Variants in GSDME observed in about 807,000 individuals in gnomAD.
The protein encoded by GSDME is gasdermin-E.
Under a neutral mutation model 47.5 loss-of-function variants are expected in GSDME, and 44 were observed. The ratio of observed to expected loss-of-function variants is 0.93; its 90% CI spans 0.73 to 1.19. The LOEUF (loss-of-function observed/expected upper bound fraction) is 1.19, where lower values mean the gene tolerates loss of function less well. GSDME is among the 50% of genes most tolerant of loss of function. GSDME has a pLI of 0.00. For missense variants in GSDME, 663 were observed against 604.2 expected (o/e 1.10, Z -1.02); for synonymous variants, 258 against 252.8 (o/e 1.02, Z -0.20).
At position 24,735,075 on chromosome 7, in the gene GSDME, G is replaced by A. The variant is rs188201441; in HGVS notation, c.404+9487C>T. Among the ~76,000 whole-genome samples, 3 of 152,346 alleles carry A rather than the reference G, an allele frequency of 2.0e-5. No individual in the cohort carries two copies. Among genetic ancestry groups the A allele is most frequent in the Admixed American group, 6.5e-5 (1 of 15,302 alleles). On this transcript the variant is annotated intron_variant, in intron 3 of 9. Transcript: ENST00000645220. The surrounding 1 kb of genome is among the most constrained non-coding windows in gnomAD (Gnocchi z 4.4). Reference sequence around the variant, plus strand: ...CAAGAAACTAACTGCATACAATGGAGCTCCAATATGTTTGGCAGCAGACTT... The same window carrying A: ...CAAGAAACTAACTGCATACAATGGAACTCCAATATGTTTGGCAGCAGACTT...
At chr7:24,751,013 T>G (rs1220697628) in intron 1 of GSDME, among the ~76,000 whole-genome samples, 1 of 152,092 alleles carries the variant, frequency 6.6e-6, no homozygotes, top group Non-Finnish European at 1.5e-5. Flanking sequence ...AATGAAACTG[T>G]GAAAGTACTA....
intron 6 of GSDME, among the ~76,000 whole-genome samples, chr7:24,709,976 AC>A (rs1789281431): frequency 6.6e-6 from 1 of 152,012 alleles, no homozygotes; most frequent in Non-Finnish European, 1.5e-5. Context: ...TCAGTCTCCG[AC>A]CCCTACCCCA....
the GSDME span, among the ~76,000 whole-genome samples, chr7:24,764,420 T>TC: frequency 8.2e-4 from 125 of 152,236 alleles, no homozygotes; most frequent in Admixed American, 2.0e-3. This position sits in a 1 kb window ranked among gnomAD's most constrained non-coding sequence, Gnocchi z 4.4. Flanking sequence ...TCTTTTTTTC[T>TC]CCCCCAAAGA....
the GSDME span, among the ~76,000 whole-genome samples, chr7:24,763,127 T>G: frequency 6.6e-6 from 1 of 152,138 alleles, no homozygotes; most frequent in Non-Finnish European, 1.5e-5. This position sits in a 1 kb window ranked among gnomAD's most constrained non-coding sequence, Gnocchi z 4.3. Flanking sequence ...CACCACAAAT[T>G]CAATGCCTTT....
At chr7:24,706,003 C>T (rs372219427) in intron 8 of GSDME, 181 bp downstream of exon 8, 26 of 727,434 alleles carry the variant, frequency 3.6e-5, no homozygotes, top group African/African-American at 8.2e-5. Flanking sequence ...GGCACAGACT[C>T]GAGACCGAAG....
At chr7:24,770,474 A>G in the GSDME span, among the ~76,000 whole-genome samples, 2,029 of 152,348 alleles carry the variant, frequency 0.013, 26 homozygotes, top group African/African-American at 0.045. The surrounding 1 kb of genome is among the most constrained non-coding windows in gnomAD (Gnocchi z 4.6). Flanking sequence ...CCACATTTGC[A>G]GCCCGGTTAC....
In GSDME at chr7:24,724,174, CAAAA is replaced by C. The variant is rs141820646; in HGVS notation, c.405-4960_405-4957del. Among the ~76,000 whole-genome samples the C allele has an allele frequency of 7.2e-6, 1 of 139,130 alleles. No individual in the cohort carries two copies. 91.3% of individuals were successfully genotyped at this position (139,130 alleles called of 152,430 possible). ...ACCATGTGAATAGATTGCCCAGTTC[CAAAA>C]AAAAAAAAAAGTATTTTAAAAAAAG... On this transcript the variant is annotated intron_variant, in intron 3 of 9. Coordinates refer to ENST00000645220, the MANE Select transcript of GSDME (RefSeq NM_001127453.2). The surrounding 1 kb of genome is among the most constrained non-coding windows in gnomAD (Gnocchi z 4.8).
rs113312954 is a variant in GSDME, at chr7:24,728,700, G to A, written c.405-9482C>T. 0.015 allele frequency among the ~76,000 whole-genome samples: 2,261 copies of A among 152,216 alleles called. 66 individuals are homozygous for A. Among genetic ancestry groups the A allele is most frequent in the African/African-American group, 0.052 (2,163 of 41,516 alleles). On this transcript the variant is annotated intron_variant, in intron 3 of 9. Coordinates refer to ENST00000645220, the MANE Select transcript of GSDME (RefSeq NM_001127453.2). The surrounding 1 kb of genome is among the most constrained non-coding windows in gnomAD (Gnocchi z 7.2). ...GATCCTCTTGGAAACGAAAGCAGCCGCCCACTGTCTCCCCCGCAGGTACTA... is the reference window on the plus strand; with the variant it reads ...GATCCTCTTGGAAACGAAAGCAGCCACCCACTGTCTCCCCCGCAGGTACTA...
chr7:24,776,691 G>C, the GSDME span, among the ~76,000 whole-genome samples: 3 of 152,114 alleles, frequency 2.0e-5, no homozygotes, highest in Admixed American at 2.0e-4. Context: ...AAATGAGCCT[G>C]GTAATATGAA....
chr7:24,700,544 C>T (rs780627000), intron 9 of GSDME, among the ~76,000 whole-genome samples: 1 of 152,150 alleles, frequency 6.6e-6, no homozygotes, highest in African/African-American at 2.4e-5. Context: ...ATTTCCTGAG[C>T]AGTGGTGACT....
At position 24,735,799 on chromosome 7, in the gene GSDME, AT is replaced by A. The variant is rs1790287435; in HGVS notation, c.404+8762del. Among the ~76,000 whole-genome samples, 2 of 151,092 alleles carry A rather than the reference AT, an allele frequency of 1.3e-5. No individual in the cohort carries two copies. Among genetic ancestry groups the A allele is most frequent in the Non-Finnish European group, 3.0e-5 (2 of 67,744 alleles). On this transcript the variant is annotated intron_variant, in intron 3 of 9. Coordinates refer to ENST00000645220, the MANE Select transcript of GSDME (RefSeq NM_001127453.2). The surrounding 1 kb of genome is among the most constrained non-coding windows in gnomAD (Gnocchi z 4.4). ...AATAAATAAATAAATAAATAAATAA[AT>A]AAATAAAACTACAAAAACTTTTCAA... is the stretch of plus-strand genomic sequence containing the variant.
chr7:24,708,512 G>GGA (rs1789216264), intron 6 of GSDME, among the ~76,000 whole-genome samples: 2 of 152,166 alleles, frequency 1.3e-5, no homozygotes, highest in Non-Finnish European at 2.9e-5. Flanking sequence ...CTTCTCTGAT[G>GGA]ACTCACTAAA....
At position 24,728,074 on chromosome 7, in the gene GSDME, G is replaced by A. The variant is rs1790029275; in HGVS notation, c.405-8856C>T. ...CAGCCCTGCCAATGAGTCTTGATTT[G>A]TCTCTCGGCCATTCTTGGTCACTCC... On this transcript the variant is annotated intron_variant, in intron 3 of 9. Transcript: ENST00000645220. The surrounding 1 kb of genome is among the most constrained non-coding windows in gnomAD (Gnocchi z 7.2). Among the ~76,000 whole-genome samples the A allele has an allele frequency of 6.6e-6, 1 of 152,212 alleles. No homozygotes were observed. Among genetic ancestry groups the A allele is most frequent in the African/African-American group, 2.4e-5 (1 of 41,452 alleles).
At chr7:24,703,438 A>C (rs1229553078) in intron 8 of GSDME, 1 of 167,396 alleles carries the variant, frequency 6.0e-6, no homozygotes, top group African/African-American at 2.4e-5. Flanking sequence ...GGCCCTTGCC[A>C]AGCCCCAGGG....
chr7:24,755,267 A>G (rs1444872049), intron 1 of GSDME, among the ~76,000 whole-genome samples: 1 of 152,222 alleles, frequency 6.6e-6, no homozygotes, highest in Non-Finnish European at 1.5e-5. Flanking sequence ...CAGACAAAAC[A>G]TGAACACGTT....
chr7:24,771,600 C>A, the GSDME span, among the ~76,000 whole-genome samples: 4 of 152,220 alleles, frequency 2.6e-5, no homozygotes, highest in African/African-American at 9.6e-5. The surrounding 1 kb of genome is among the most constrained non-coding windows in gnomAD (Gnocchi z 4.1). Flanking sequence ...AGTTTTTGGG[C>A]CTCTATTCTA....
rs371802634 is a variant in GSDME at position 24,706,211 on chromosome 7, C to T, written c.1156G>A (p.Ala386Thr). 6 of 1,614,124 alleles carry T rather than the reference C, an allele frequency of 3.7e-6. No homozygotes were observed. In the African/African-American group the frequency reaches 8.0e-5, roughly 22 times the overall value. The stretch of plus-strand genomic sequence containing the variant: ...GCGAGGGCACTGACCAAGAAGTAGG[C>T]TGTCATAAACAGCTGCTTGCTGCCT... ...DAGSKQLFMT[A>T]YFLVSALAEM... Residue 386 changes from alanine (A) to threonine (T), a missense_variant, in exon 8 of 10, where the codon GCC becomes ACC. Coordinates refer to ENST00000645220, the MANE Select transcript of GSDME (RefSeq NM_001127453.2).
chr7:24,713,197 T>C (rs977766786), intron 5 of GSDME, among the ~76,000 whole-genome samples: 1 of 152,112 alleles, frequency 6.6e-6, no homozygotes, highest in African/African-American at 2.4e-5. Flanking sequence ...GGAAAGGCCA[T>C]TCATCCAGGA....
Position 24,745,034 on chromosome 7 carries a change from T to TGTGTGTGTGG in GSDME, c.212-281_212-280insCCACACACAC, listed in dbSNP as rs1292473229. Among the ~76,000 whole-genome samples the TGTGTGTGTGG allele has an allele frequency of 7.4e-6, 1 of 135,650 alleles. No homozygotes were observed. The highest frequency in any genetic ancestry group is 2.9e-5 in the African/African-American group (1 of 34,490). The allele number at this position is 135,650 out of a possible 152,430, so 89.0% of individuals were successfully genotyped here. On this transcript the variant is annotated intron_variant, in intron 2 of 9. Coordinates refer to ENST00000645220, the MANE Select transcript of GSDME (RefSeq NM_001127453.2). This position sits in a 1 kb window ranked among gnomAD's most constrained non-coding sequence, Gnocchi z 4.4. The stretch of plus-strand genomic sequence containing the variant: ...GTGTGTGTGTGTGTGTGTGTGTGTG[T>TGTGTGTGTGG]GGACCACGGGCACACAGTGGACCAG...
Sources: gnomAD v4.1 joint callset for allele counts (sites outside exome capture counted in the v4.1 genomes callset) on GRCh38, gnomAD v4.1.1 for gene constraint, Gnocchi (gnomAD v3.1) non-coding constraint, MANE v1.5 for transcripts, NCBI Gene and HGNC (gene_info 2026-07-23, HGNC 2026-07-21) for gene names.